The following NPEPPS variants were observed in gnomAD, a reference collection of about 807,000 sequenced individuals.
NPEPPS encodes aminopeptidase puromycin sensitive.
NPEPPS carries 14 observed loss-of-function variants against 115.5 expected under a neutral mutation model. The observed-to-expected ratio is 0.12, with a 90% CI of 0.08 to 0.19. The LOEUF (loss-of-function observed/expected upper bound fraction) is 0.19, where lower values mean the gene tolerates loss of function less well. Among genes scored for constraint, NPEPPS ranks in the 10% least tolerant of loss-of-function variants. NPEPPS has a pLI of 1.00. For synonymous variants in NPEPPS, 285 were observed against 390.6 expected (o/e 0.73, Z 3.19); for missense variants, 523 against 1,110.8 (o/e 0.47, Z 7.52).
chr17:47,594,314 AAAT>A (rs1912703113), intron 12 of NPEPPS, among the ~76,000 whole-genome samples: 1 of 152,184 alleles, frequency 6.6e-6, no homozygotes, highest in Non-Finnish European at 1.5e-5. Context: ...GAATTTATAA[AAAT>A]AATTTTTCTT....
At chr17:47,618,289 A>G (rs1175757478) in intron 19 of NPEPPS, 61 bp from the exon 20 acceptor site, 1 of 1,109,168 alleles carries the variant, frequency 9.0e-7, no homozygotes, top group Non-Finnish European at 1.4e-6. Context: ...AGCTCATATA[A>G]TCATATGCAG....
chr17:47,563,363 A>G (rs1340422340), intron 2 of NPEPPS, among the ~76,000 whole-genome samples: 1 of 152,060 alleles, frequency 6.6e-6, no homozygotes, highest in Non-Finnish European at 1.5e-5. Flanking sequence ...TATGTTTATA[A>G]TCAAATTTTA....
intron 1 of NPEPPS, among the ~76,000 whole-genome samples, chr17:47,524,072 G>A (rs1210898545): frequency 1.3e-5 from 2 of 151,660 alleles, no homozygotes; most frequent in Non-Finnish European, 2.9e-5. Context: ...TTGGGAGGCT[G>A]AGGCGGGTGG....
chr17:47,587,226 A>G lies in NPEPPS; in HGVS notation c.981-4A>G, dbSNP rs1224375795. 3.8e-6 allele frequency: 6 copies of G among 1,561,328 alleles called. No homozygotes were observed. The highest frequency in any genetic ancestry group is 5.2e-6 in the Non-Finnish European group (6 of 1,159,772). On this transcript the variant is annotated splice_region_variant and splice_polypyrimidine_tract_variant and intron_variant, in intron 8 of 22. Coordinates refer to ENST00000322157, the MANE Select transcript of NPEPPS (RefSeq NM_006310.4). ...TTGTTTCTTTTTTTTTTTTTTAAAC[A>G]CAGGGAGACTGCATTGCTTATTGAT...
At chr17:47,542,786 G>T (rs1311985622) in intron 1 of NPEPPS, among the ~76,000 whole-genome samples, 2 of 152,128 alleles carry the variant, frequency 1.3e-5, no homozygotes, top group African/African-American at 4.8e-5. Context: ...AAATGAATTT[G>T]AAGTTTTGTT....
chr17:47,561,481 T>C (rs1334980686), intron 2 of NPEPPS, among the ~76,000 whole-genome samples: 1 of 151,826 alleles, frequency 6.6e-6, no homozygotes, highest in Non-Finnish European at 1.5e-5. Flanking sequence ...ACAATACACA[T>C]ATATTTTATT....
chr17:47,584,397 G>A (rs1022037443), intron 5 of NPEPPS, among the ~76,000 whole-genome samples: 1 of 152,128 alleles, frequency 6.6e-6, no homozygotes, highest in Admixed American at 6.5e-5. Flanking sequence ...CATGAACAGG[G>A]TAAGCATTCC....
intron 2 of NPEPPS, among the ~76,000 whole-genome samples, chr17:47,568,124 A>G (rs1288403069): frequency 1.3e-5 from 2 of 150,906 alleles, no homozygotes; most frequent in Non-Finnish European, 3.0e-5. Flanking sequence ...CATTAGCAAT[A>G]TATGCTCCAG....
intron 2 of NPEPPS, among the ~76,000 whole-genome samples, chr17:47,550,356 C>T: frequency 1.4e-5 from 2 of 141,490 alleles, no homozygotes; most frequent in Non-Finnish European, 3.0e-5. Context: ...GAGATGGAGT[C>T]TTGCTGTATC....
At chr17:47,610,614 C>T (rs1913795069) in intron 17 of NPEPPS, among the ~76,000 whole-genome samples, 2 of 151,786 alleles carry the variant, frequency 1.3e-5, no homozygotes, top group Non-Finnish European at 1.5e-5. Context: ...GAGCTGTTGA[C>T]CTCGTGATCT....
chr17:47,617,290 C>A (rs1178090497), intron 19 of NPEPPS, among the ~76,000 whole-genome samples: 1 of 152,114 alleles, frequency 6.6e-6, no homozygotes, highest in Admixed American at 6.5e-5. Context: ...TGTGAAGATG[C>A]ATAATCCCAC....
chr17:47,555,226 G>A (rs2611942), intron 2 of NPEPPS, among the ~76,000 whole-genome samples: 3 of 152,040 alleles, frequency 2.0e-5, no homozygotes, highest in East Asian at 1.9e-4. Flanking sequence ...GATTCTTTAC[G>A]GTATTTTAAA....
chr17:47,579,476 G>A lies in NPEPPS; in HGVS notation c.505G>A (p.Gly169Arg), dbSNP rs1292872762. Residue 169 changes from glycine to arginine, a missense_variant, in exon 4 of 23, where the codon GGA (glycine) becomes AGA (arginine). Gly to Arg is a moderately radical substitution (Grantham distance 125). Around this residue, in one of 4 missense-constraint regions of NPEPPS, gnomAD observed 144 missense variants for 512.4 expected, o/e 0.28. Coordinates refer to ENST00000322157, the MANE Select transcript of NPEPPS (RefSeq NM_006310.4). ...TAGAAGTAAATATACTACCCCTTCT[G>A]GAGAGGTGCGCTATGCTGCTGTAAC... is the stretch of plus-strand genomic sequence containing the variant. ...FYRSKYTTPSGEVRYAAVTQF... is the reference protein window; with the variant it reads ...FYRSKYTTPSREVRYAAVTQF... 3 of 1,611,600 alleles carry A rather than the reference G, an allele frequency of 1.9e-6. No individual in the cohort carries two copies. The highest frequency in any genetic ancestry group is 2.7e-5 in the African/African-American group (2 of 74,846).
intron 1 of NPEPPS, among the ~76,000 whole-genome samples, chr17:47,524,470 T>G (rs1345358945): frequency 1.3e-5 from 2 of 151,756 alleles, no homozygotes; most frequent in Non-Finnish European, 2.9e-5. Flanking sequence ...ACTACAGGCA[T>G]AGGCCACCAC....
chr17:47,585,414 A>G (rs1912122461), intron 5 of NPEPPS, 86 bp from the exon 6 acceptor site: 1 of 867,704 alleles, frequency 1.2e-6, no homozygotes, highest in Non-Finnish European at 1.9e-6. Flanking sequence ...AAAGAGATGC[A>G]ATAAAGCCTA....
At chr17:47,584,460 C>A (rs1344670894) in intron 5 of NPEPPS, among the ~76,000 whole-genome samples, 3 of 152,074 alleles carry the variant, frequency 2.0e-5, no homozygotes. Context: ...TTGGAAAAAC[C>A]TGCTGCACCT....
rs137922380 is a variant in NPEPPS at position 47,553,560 on chromosome 17, A to T, written c.340+7567A>T. ...TTATCTATGGCAGATGTGTTCTAAG[A>T]CCCCCAATGGTATGCCTGAAACCAC... On this transcript the variant is annotated intron_variant, in intron 2 of 22. Transcript: ENST00000322157. Among the ~76,000 whole-genome samples the T allele has an allele frequency of 5.3e-5, 8 of 152,100 alleles. No individual in the cohort carries two copies. The East Asian group carries it at 1.5e-3, about 29-fold the overall frequency.
chr17:47,615,585 G>A (rs765389082), intron 19 of NPEPPS, among the ~76,000 whole-genome samples: 1 of 152,024 alleles, frequency 6.6e-6, no homozygotes, highest in Non-Finnish European at 1.5e-5. Flanking sequence ...AGTTAAATTT[G>A]GGTTTACTTT....
chr17:47,600,449 T>C (rs1334541064), intron 14 of NPEPPS, among the ~76,000 whole-genome samples: 2 of 151,952 alleles, frequency 1.3e-5, no homozygotes, highest in Admixed American at 1.3e-4. Context: ...GGAGAAAAAA[T>C]ATCTAACAAA....
Sources: gnomAD v4.1 joint callset for allele counts (sites outside exome capture counted in the v4.1 genomes callset) on GRCh38, gnomAD v4.1.1 for gene constraint, gnomAD v4.1.1 regional missense constraint, MANE v1.5 for transcripts, NCBI Gene and HGNC (gene_info 2026-07-23, HGNC 2026-07-21) for gene names.